CCSER1: variants seen among roughly 807,000 people sequenced by gnomAD.
The protein encoded by CCSER1 is coiled-coil serine rich protein 1, also known as serine-rich coiled-coil domain-containing protein 1.
Under a neutral mutation model 82.0 loss-of-function variants are expected in CCSER1, and 41 were observed. That is an observed-to-expected ratio of 0.50 (90% CI 0.39 to 0.65). CCSER1 has a LOEUF of 0.65. Among genes scored for constraint, CCSER1 ranks in the 30% least tolerant of loss-of-function variants. The pLI is 0.00. For synonymous variants in CCSER1, 414 were observed against 383.9 expected (o/e 1.08, Z -0.92); for missense variants, 1,119 against 1,064.2 (o/e 1.05, Z -0.72).
intron 4 of CCSER1, among the ~76,000 whole-genome samples, chr4:90,430,160 A>T (rs1758077904): frequency 6.6e-6 from 1 of 151,930 alleles, no homozygotes; most frequent in Non-Finnish European, 1.5e-5. Context: ...TAAATTGATG[A>T]CATTACAGTT....
At chr4:91,050,430 C>CA (rs141375504) in intron 9 of CCSER1, among the ~76,000 whole-genome samples, 55,051 of 140,822 alleles carry the variant, frequency 0.39, 11,523 homozygotes, top group East Asian at 0.63. Flanking sequence ...GACTCTGTCT[C>CA]AAAAAAAAAA....
At chr4:90,322,810 T>G (rs569414497) in intron 3 of CCSER1, among the ~76,000 whole-genome samples, 1 of 152,310 alleles carries the variant, frequency 6.6e-6, no homozygotes, top group African/African-American at 2.4e-5. Context: ...GGCCTGGAGC[T>G]GAGGGAGGGG....
chr4:90,545,506 C>T (rs539044151), intron 5 of CCSER1, among the ~76,000 whole-genome samples: 1 of 152,132 alleles, frequency 6.6e-6, no homozygotes, highest in Admixed American at 6.6e-5. Context: ...CTCTCTGCCT[C>T]GAAACCCTAA....
intron 10 of CCSER1, among the ~76,000 whole-genome samples, chr4:91,440,283 A>G (rs1454695272): frequency 2.0e-5 from 3 of 152,106 alleles, no homozygotes; most frequent in African/African-American, 7.2e-5. Flanking sequence ...CCACAGTGCA[A>G]TCAAACTAGA....
At chr4:90,491,891 T>C (rs1438687812) in intron 5 of CCSER1, among the ~76,000 whole-genome samples, 2 of 152,130 alleles carry the variant, frequency 1.3e-5, no homozygotes, top group Non-Finnish European at 2.9e-5. Context: ...TTGATAAGCT[T>C]TTTGATGTGC....
chr4:90,477,860 A>T (rs927278813), intron 5 of CCSER1, among the ~76,000 whole-genome samples: 1 of 152,152 alleles, frequency 6.6e-6, no homozygotes, highest in African/African-American at 2.4e-5. Flanking sequence ...TAAAAATTAG[A>T]TATGAATAGA....
intron 4 of CCSER1, among the ~76,000 whole-genome samples, chr4:90,445,816 T>C (rs1053455309): frequency 5.9e-5 from 9 of 152,158 alleles, no homozygotes; most frequent in Non-Finnish European, 1.0e-4. Context: ...TTTGATTGAA[T>C]GCACAGAATG....
chr4:91,326,758 T>C (rs1746592264), intron 10 of CCSER1, among the ~76,000 whole-genome samples: 1 of 152,118 alleles, frequency 6.6e-6, no homozygotes, highest in African/African-American at 2.4e-5. Context: ...ACTTCCAAGA[T>C]ACAATGGGGG....
chr4:91,215,809 C>A (rs1355587351), intron 10 of CCSER1, among the ~76,000 whole-genome samples: 1 of 152,142 alleles, frequency 6.6e-6, no homozygotes, highest in Non-Finnish European at 1.5e-5. Context: ...TACATTAATT[C>A]TGAAGAACCC....
At chr4:90,400,248 C>A in intron 4 of CCSER1, 119 bp downstream of exon 4, 1 of 439,314 alleles carries the variant, frequency 2.3e-6, no homozygotes, top group Non-Finnish European at 4.0e-6. Context: ...TTTTTATAGT[C>A]TATATGCAAA....
chr4:91,237,342 A>C (rs1031366778), intron 10 of CCSER1, among the ~76,000 whole-genome samples: 3 of 151,444 alleles, frequency 2.0e-5, no homozygotes, highest in Admixed American at 6.6e-5. Context: ...TCTCAAAAAA[A>C]CAAAAACTTG....
chr4:90,186,671 A>G (rs999120850), intron 1 of CCSER1, among the ~76,000 whole-genome samples: 3 of 151,898 alleles, frequency 2.0e-5, no homozygotes, highest in Non-Finnish European at 2.9e-5. Context: ...ATTTCTTAAC[A>G]GGTACCTCCT....
At chr4:91,316,869 C>T (rs1330994794) in intron 10 of CCSER1, among the ~76,000 whole-genome samples, 2 of 151,844 alleles carry the variant, frequency 1.3e-5, no homozygotes, top group Non-Finnish European at 1.5e-5. Flanking sequence ...ATGGTGATTG[C>T]CAGAGGCTGG....
chr4:90,511,660 C>T (rs1264346798), intron 5 of CCSER1, among the ~76,000 whole-genome samples: 1 of 152,108 alleles, frequency 6.6e-6, no homozygotes, highest in Non-Finnish European at 1.5e-5. Flanking sequence ...TGTTTGGATG[C>T]TCTGCAGATA....
chr4:91,407,113 T>C (rs552569818), intron 10 of CCSER1, among the ~76,000 whole-genome samples: 96 of 152,270 alleles, frequency 6.3e-4, no homozygotes, highest in African/African-American at 2.2e-3. Context: ...TCAATAAATT[T>C]GTTCTTGCTT....
Position 90,701,280 on chromosome 4 carries a change from G to T in CCSER1, c.1933-22634G>T, listed in dbSNP as rs1479656209. 2.0e-5 allele frequency among the ~76,000 whole-genome samples: 3 copies of T among 152,138 alleles called. No individual in the cohort carries two copies. In the South Asian group the frequency reaches 6.2e-4, roughly 32 times the overall value. On this transcript the variant is annotated intron_variant, in intron 6 of 10. Transcript: ENST00000509176. ...TCTTGTTTTTGTCAGGTTTGTCAAA[G>T]ATCAGATGGTTGTAGATGTGTGGTA...
intron 10 of CCSER1, among the ~76,000 whole-genome samples, chr4:91,468,077 C>T (rs1757033847): frequency 6.6e-6 from 1 of 152,080 alleles, no homozygotes; most frequent in Non-Finnish European, 1.5e-5. Flanking sequence ...GCACTATTCA[C>T]AATAGCAAAG....
intron 7 of CCSER1, among the ~76,000 whole-genome samples, chr4:90,804,805 G>A (rs973254295): frequency 6.6e-6 from 1 of 152,120 alleles, no homozygotes; most frequent in Non-Finnish European, 1.5e-5. Context: ...CCAAATTTCT[G>A]AGTATGTGGC....
At chr4:91,389,489 T>C (rs1473815997) in intron 10 of CCSER1, among the ~76,000 whole-genome samples, 1 of 152,072 alleles carries the variant, frequency 6.6e-6, no homozygotes, top group East Asian at 1.9e-4. Context: ...AGCTTTATAA[T>C]AGGTCTCAAA....
Sources: gnomAD v4.1 joint callset for allele counts (sites outside exome capture counted in the v4.1 genomes callset) on GRCh38, gnomAD v4.1.1 for gene constraint, MANE v1.5 for transcripts, NCBI Gene and HGNC (gene_info 2026-07-23, HGNC 2026-07-21) for gene names.